The following XKR4 variants were observed in gnomAD, a reference collection of about 807,000 sequenced individuals.
XKR4 encodes the protein XK related 4.
In XKR4, 12 loss-of-function variants were observed where a neutral mutation model predicts 53.9. The ratio of observed to expected loss-of-function variants is 0.22; its 90% confidence interval spans 0.14 to 0.36. The LOEUF (loss-of-function observed/expected upper bound fraction) is 0.36, where lower values mean the gene tolerates loss of function less well. Ranked by LOEUF, XKR4 falls within the 10% of genes least tolerant of loss-of-function variation. The pLI is 1.00. For missense variants in XKR4, 799 were observed against 859.5 expected, an observed-to-expected ratio of 0.93 and a Z score of 0.88; for synonymous variants, 354 against 362.4, an observed-to-expected ratio of 0.98 and a Z score of 0.26.
intron 1 of XKR4, among the ~76,000 whole-genome samples, chr8:55,272,699 C>A (rs1202209158): frequency 6.6e-6 from 1 of 152,206 alleles, no homozygotes; most frequent in Non-Finnish European, 1.5e-5. Flanking sequence ...AATCAGCATA[C>A]ACAGCAAGTG....
chr8:55,265,190 G>T (rs76116759), intron 1 of XKR4, among the ~76,000 whole-genome samples: 1,690 of 152,246 alleles, frequency 0.011, 32 homozygotes, highest in African/African-American at 0.038. Context: ...TCCCATTCCT[G>T]GTGAAGATGC....
chr8:55,371,338 G>A (rs1804067533), intron 2 of XKR4, among the ~76,000 whole-genome samples: 2 of 151,970 alleles, frequency 1.3e-5, no homozygotes, highest in African/African-American at 2.4e-5. Flanking sequence ...CAAAGCAATG[G>A]AATTGCTGAT....
At chr8:55,462,840 A>C (rs1585587993) in intron 2 of XKR4, among the ~76,000 whole-genome samples, 1 of 152,302 alleles carries the variant, frequency 6.6e-6, no homozygotes, top group Admixed American at 6.5e-5. Context: ...CTCAGGTAAA[A>C]CAGACTTTAA....
chr8:55,511,333 C>T (rs905999893), intron 2 of XKR4, among the ~76,000 whole-genome samples: 3 of 152,122 alleles, frequency 2.0e-5, no homozygotes, highest in Admixed American at 6.5e-5. Context: ...AAATTATTTG[C>T]GGAATGAAGC....
At chr8:55,505,245 G>A (rs1357488701) in intron 2 of XKR4, among the ~76,000 whole-genome samples, 2 of 152,042 alleles carry the variant, frequency 1.3e-5, no homozygotes, top group Non-Finnish European at 1.5e-5. Flanking sequence ...GCATCTATTA[G>A]TTTTTGCTGC....
chr8:55,144,612 A>AT (rs908980376), intron 1 of XKR4, among the ~76,000 whole-genome samples: 8 of 151,566 alleles, frequency 5.3e-5, no homozygotes, highest in East Asian at 1.9e-4. Context: ...ATCTAATCCA[A>AT]TTTTTTTTGG....
At chr8:55,167,032 C>T (rs1354410594) in intron 1 of XKR4, among the ~76,000 whole-genome samples, 1 of 152,020 alleles carries the variant, frequency 6.6e-6, no homozygotes, top group African/African-American at 2.4e-5. Flanking sequence ...ATGGAAGGGG[C>T]AAAAGTGGTG....
intron 1 of XKR4, among the ~76,000 whole-genome samples, chr8:55,128,889 C>T (rs1051349729): frequency 6.8e-6 from 1 of 147,574 alleles, no homozygotes; most frequent in African/African-American, 2.7e-5. Flanking sequence ...AATGCAGATG[C>T]TTAGTCAGGA....
At chr8:55,484,537 A>G (rs1044410101) in intron 2 of XKR4, among the ~76,000 whole-genome samples, 1 of 152,202 alleles carries the variant, frequency 6.6e-6, no homozygotes, top group Non-Finnish European at 1.5e-5. Flanking sequence ...AATCAATGTA[A>G]TCCACCTGAT....
intron 1 of XKR4, among the ~76,000 whole-genome samples, chr8:55,273,202 T>G (rs1308243875): frequency 6.6e-6 from 1 of 151,188 alleles, no homozygotes; most frequent in Non-Finnish European, 1.5e-5. Context: ...GCACCCTCAC[T>G]GACTAAATGT....
intron 1 of XKR4, among the ~76,000 whole-genome samples, chr8:55,159,858 C>A (rs1419189164): frequency 1.3e-5 from 2 of 152,182 alleles, no homozygotes; most frequent in African/African-American, 4.8e-5. Context: ...GTGGTCCTGG[C>A]TGCATAGCAT....
intron 2 of XKR4, among the ~76,000 whole-genome samples, chr8:55,496,690 A>T (rs953080561): frequency 2.0e-5 from 3 of 152,182 alleles, no homozygotes; most frequent in East Asian, 1.9e-4. Flanking sequence ...TTTGAATGTG[A>T]TTTTATATTT....
intron 1 of XKR4, among the ~76,000 whole-genome samples, chr8:55,303,730 G>A (rs1435349129): frequency 6.6e-6 from 1 of 151,878 alleles, no homozygotes; most frequent in African/African-American, 2.4e-5. Flanking sequence ...TCTTGGGAGG[G>A]TGTATGTGTC....
intron 2 of XKR4, among the ~76,000 whole-genome samples, chr8:55,481,962 T>C (rs1336709831): frequency 6.6e-6 from 1 of 152,188 alleles, no homozygotes; most frequent in Non-Finnish European, 1.5e-5. Context: ...TGTAATCTAG[T>C]TCAACCATTG....
intron 1 of XKR4, among the ~76,000 whole-genome samples, chr8:55,213,326 G>A (rs906979095): frequency 6.6e-6 from 1 of 152,174 alleles, no homozygotes; most frequent in East Asian, 1.9e-4. Flanking sequence ...ATAGGGAGTC[G>A]AAGCTGTCCT....
At chr8:55,495,093 C>T (rs538178017) in intron 2 of XKR4, among the ~76,000 whole-genome samples, 4 of 152,180 alleles carry the variant, frequency 2.6e-5, no homozygotes, top group Non-Finnish European at 4.4e-5. Flanking sequence ...AAGTCCAGAG[C>T]GGGCTGAGGT....
intron 2 of XKR4, among the ~76,000 whole-genome samples, chr8:55,439,961 G>A (rs1197486214): frequency 6.6e-6 from 1 of 152,090 alleles, no homozygotes; most frequent in African/African-American, 2.4e-5. Context: ...ATAAATAGAG[G>A]AATATAGGGA....
chr8:55,505,379 T>TAAATA lies in XKR4; in HGVS notation c.1007-17881_1007-17877dup, dbSNP rs540020653. Among the ~76,000 whole-genome samples, 229 of 152,078 alleles carry TAAATA rather than the reference T, an allele frequency of 1.5e-3. 1 individual carries two copies. The highest frequency in any genetic ancestry group is 3.4e-3 in the Middle Eastern group (1 of 294). On this transcript the variant is annotated intron_variant, in intron 2 of 2. Transcript: ENST00000327381. ...CAACATAGCAAGACTTCATCTCTAC[T>TAAATA]AAATAAAATAAAATAAAATAAAATA...
At chr8:55,479,712 G>C (rs913425004) in intron 2 of XKR4, among the ~76,000 whole-genome samples, 1 of 152,010 alleles carries the variant, frequency 6.6e-6, no homozygotes, top group East Asian at 1.9e-4. Flanking sequence ...AATGATAAAG[G>C]GGATATCACC....
Sources: allele counts gnomAD v4.1 joint callset (sites outside exome capture counted in the v4.1 genomes callset), GRCh38; gene constraint gnomAD v4.1.1; transcripts MANE v1.5; gene names NCBI Gene and HGNC (gene_info 2026-07-23, HGNC 2026-07-21).